Variants in CNP observed in about 807,000 individuals in gnomAD.
The protein encoded by CNP is 2',3'-cyclic-nucleotide 3'-phosphodiesterase.
Under a neutral mutation model 37.9 loss-of-function variants are expected in CNP, and 8 were observed. That is an observed-to-expected ratio of 0.21 (90% confidence interval 0.12 to 0.38). The LOEUF (loss-of-function observed/expected upper bound fraction) is 0.38. Ranked by LOEUF, CNP falls within the 10% of genes least tolerant of loss-of-function variation. The pLI is 1.00. For missense variants in CNP, 457 were observed against 551.0 expected, an observed-to-expected ratio of 0.83 and a Z score of 1.71; for synonymous variants, 237 against 238.3, an observed-to-expected ratio of 0.99 and a Z score of 0.05.
At chr17:41,967,093 G>C (rs1182185650) in intron 1 of CNP, 1 of 480,446 alleles carries the variant, frequency 2.1e-6, no homozygotes, top group Non-Finnish European at 3.3e-6. Context: ...GGGAAACGGT[G>C]GTGTTTCTCA....
Position 41,968,048 on chromosome 17 carries a change from C to G in CNP, c.4-20C>G. 6.3e-7 allele frequency: 1 copy of G among 1,596,136 alleles called. No homozygotes were observed. The highest frequency in any genetic ancestry group is 8.6e-7 in the Non-Finnish European group (1 of 1,168,882). Reference sequence around the variant, plus strand: ...GCCCGCGAATGACCTGGGCTGACATCTCTTCCCCTCCTTACACAGAACAGA... The same window carrying G: ...GCCCGCGAATGACCTGGGCTGACATGTCTTCCCCTCCTTACACAGAACAGA... On this transcript the variant is annotated intron_variant, in intron 1 of 3. Transcript: ENST00000393892. The surrounding 1 kb of genome is among the most constrained non-coding windows in gnomAD (Gnocchi z 4.8).
chr17:41,976,558 C>T lies in CNP; in HGVS notation c.*2634C>T, dbSNP rs112594389. On this transcript the variant is annotated 3_prime_UTR_variant, in exon 4 of 4. Transcript: ENST00000393892. ...GCCTCCCTCCCCTGCCCTCGGTCTTCGGCATTGGTTCCCTTTGCTCCACCC... is the reference window on the plus strand; with the variant it reads ...GCCTCCCTCCCCTGCCCTCGGTCTTTGGCATTGGTTCCCTTTGCTCCACCC... 7.6e-5 allele frequency: 54 copies of T among 714,396 alleles called. No homozygotes were observed. The highest frequency in any genetic ancestry group is 6.7e-4 in the South Asian group (33 of 49,524). The allele number at this position is 714,396 out of a possible 1,614,324, so 44.3% of individuals were successfully genotyped here. A position where few individuals can be genotyped will look rare whatever the true frequency, so the allele number is the denominator to read the frequency against.
At chr17:41,970,702 C>G (rs2050973948) in intron 2 of CNP, 1 of 152,156 alleles carries the variant, frequency 6.6e-6, no homozygotes, top group African/African-American at 2.4e-5. Context: ...TAAAGGAAAA[C>G]TGGATTTTTC....
chr17:41,968,088 A>C lies in CNP; in HGVS notation c.24A>C (p.Lys8Asn), dbSNP rs2050930130. ...CACAGAACAGAGGCTTCTCCCGAAA[A>C]AGCCACACATTCCTGCCCAAGATCT... The part of the protein sequence containing the change: MNRGFSR[K>N]SHTFLPKIFF... Residue 8 changes from lysine to asparagine, a missense_variant, in exon 2 of 4, where the codon AAA (lysine) becomes AAC (asparagine). Coordinates refer to ENST00000393892, the MANE Select transcript of CNP (RefSeq NM_033133.5). This position sits in a 1 kb window ranked among gnomAD's most constrained non-coding sequence, Gnocchi z 4.8. 1 of 1,613,748 alleles carries C rather than the reference A, an allele frequency of 6.2e-7. No individual in the cohort carries two copies. The highest frequency in any genetic ancestry group is 1.7e-5 in the Admixed American group (1 of 60,012).
At position 41,977,282 on chromosome 17, in the gene CNP, G is replaced by A. The variant is rs1555645069; in HGVS notation, c.*3358G>A. 5.0e-6 allele frequency: 8 copies of A among 1,584,704 alleles called. No individual in the cohort carries two copies. Among genetic ancestry groups the A allele is most frequent in the Non-Finnish European group, 6.0e-6 (7 of 1,165,536 alleles). On this transcript the variant is annotated 3_prime_UTR_variant, in exon 4 of 4. Transcript: ENST00000393892. ...CTACCTTCAAAGCTGAAGCCGCCAG[G>A]ACCGCCAAAGAATGCCTTGAAGATA...
rs782427960 is a variant in CNP at position 41,968,681 on chromosome 17, G to T, written c.617G>T (p.Gly206Val). 1 of 1,613,898 alleles carries T rather than the reference G, an allele frequency of 6.2e-7. No individual in the cohort carries two copies. Among genetic ancestry groups the T allele is most frequent in the African/African-American group, 1.3e-5 (1 of 74,926 alleles). Residue 206 changes from glycine (G) to valine (V), a missense_variant, in exon 2 of 4, where the codon GGC (glycine) becomes GTC (valine). This residue lies in a region of CNP where 291 missense variants were observed against 291.7 expected (regional missense o/e 1.00). Transcript: ENST00000393892. This position sits in a 1 kb window ranked among gnomAD's most constrained non-coding sequence, Gnocchi z 4.8. The part of the protein sequence containing the change: ...KKSSETLRKA[G>V]QVFLEELGNH... ...AGCTCTGAGACCCTCCGCAAAGCCGGCCAGGTCTTCCTGGAAGAGCTGGGG... is the reference window on the plus strand; with the variant it reads ...AGCTCTGAGACCCTCCGCAAAGCCGTCCAGGTCTTCCTGGAAGAGCTGGGG...
intron 1 of CNP, chr17:41,967,541 G>C (rs1555643106): frequency 4.7e-6 from 2 of 426,044 alleles, no homozygotes; most frequent in Non-Finnish European, 3.2e-6. Flanking sequence ...TTTGTCCAGT[G>C]CTCTCCTGCC....
chr17:41,966,845 G>T lies in CNP; in HGVS notation c.-40G>T. The T allele has an allele frequency of 7.3e-7, 1 of 1,372,432 alleles. No individual in the cohort carries two copies. The highest frequency in any genetic ancestry group is 3.3e-5 in the Admixed American group (1 of 30,158). 85.0% of individuals were successfully genotyped at this position (1,372,432 alleles called of 1,614,324 possible). ...CGCAGGCGGGCGGCCCCGGAGCGCT[G>T]GTGCCGGCAGAGGCGGCGACGGTGG... On this transcript the variant is annotated 5_prime_UTR_variant, in exon 1 of 4. Transcript: ENST00000393892.
Position 41,974,179 on chromosome 17 carries a change from G to A in CNP, c.*255G>A, listed in dbSNP as rs2051038255. On this transcript the variant is annotated 3_prime_UTR_variant, in exon 4 of 4. Transcript: ENST00000393892. ...ACCTGGACCAAAGCTGACGAGGCTG[G>A]GCCAAGCCAGGGATGGGGCCACAGC... 2 of 305,180 alleles carry A rather than the reference G, an allele frequency of 6.6e-6. No homozygotes were observed. The highest frequency in any genetic ancestry group is 4.8e-5 in the Admixed American group (1 of 20,960). The allele number at this position is 305,180 out of a possible 1,614,324, so 18.9% of individuals were successfully genotyped here.
At chr17:41,970,582 A>G (rs1555643643) in intron 2 of CNP, 10 of 152,110 alleles carry the variant, frequency 6.6e-5, no homozygotes, top group Non-Finnish European at 2.9e-5. Flanking sequence ...AATTTTTAGT[A>G]GAGACAGGGT....
Position 41,973,805 on chromosome 17 carries a change from A to G in CNP, c.1147A>G (p.Thr383Ala), listed in dbSNP as rs1016790393. The change falls in exon 4 of 4, where the codon ACC (threonine) becomes GCC (alanine). Residue 383 changes from threonine (T) to alanine (A), a missense_variant. Physicochemically the swap from Thr to Ala is moderately conservative, Grantham distance 58. Coordinates refer to ENST00000393892, the MANE Select transcript of CNP (RefSeq NM_033133.5). Reference sequence around the variant, plus strand: ...CTTGGGCAATGGGCGCTGGATGCTGACCCTGGCCAAGAACATGGAGGTCAG... The same window carrying G: ...CTTGGGCAATGGGCGCTGGATGCTGGCCCTGGCCAAGAACATGGAGGTCAG... ...YSLGNGRWMLTLAKNMEVRAI... is the reference protein window; with the variant it reads ...YSLGNGRWMLALAKNMEVRAI... The G allele has an allele frequency of 1.2e-6, 2 of 1,612,206 alleles. No individual in the cohort carries two copies. The highest frequency in any genetic ancestry group is 1.7e-6 in the Non-Finnish European group (2 of 1,179,060).
At position 41,973,537 on chromosome 17, in the gene CNP, C is replaced by G; in HGVS notation, c.879C>G (p.Pro293=). The G allele has an allele frequency of 6.2e-7, 1 of 1,614,238 alleles. No homozygotes were observed. The highest frequency in any genetic ancestry group is 8.5e-7 in the Non-Finnish European group (1 of 1,180,058). Residue 293 remains proline, a synonymous_variant, in exon 4 of 4, where the codon CCC becomes CCG. Transcript: ENST00000393892. ...CCATCTCTGCCCTCTTTGTGACACCCAAGACGACTGGGGCCCGGGTGGAGT... is the reference window on the plus strand; with the variant it reads ...CCATCTCTGCCCTCTTTGTGACACCGAAGACGACTGGGGCCCGGGTGGAGT... ...TLTISALFVT[P]KTTGARVELS... is the part of the protein sequence containing the mutation.
chr17:41,974,898 C>T lies in CNP; in HGVS notation c.*974C>T, dbSNP rs1555644498. The stretch of plus-strand genomic sequence containing the variant: ...ATGGTGCCTCTGGAGGCCTCTGGGC[C>T]TCCTCTAACAGGGGCTGGTGGGCAC... On this transcript the variant is annotated 3_prime_UTR_variant, in exon 4 of 4. Coordinates refer to ENST00000393892, the MANE Select transcript of CNP (RefSeq NM_033133.5). The T allele has an allele frequency of 6.6e-6, 1 of 152,320 alleles. No individual in the cohort carries two copies. The highest frequency in any genetic ancestry group is 1.5e-5 in the Non-Finnish European group (1 of 68,164). The allele number at this position is 152,320 out of a possible 1,614,324, so 9.4% of individuals were successfully genotyped here.
chr17:41,968,857 C>T lies in CNP; in HGVS notation c.676+117C>T. On this transcript the variant is annotated intron_variant, in intron 2 of 3. Transcript: ENST00000393892. The surrounding 1 kb of genome is among the most constrained non-coding windows in gnomAD (Gnocchi z 4.8). ...CGAAGCAGCAGGAGGCAGAGAGAGG[C>T]TCACCTCAGCGGGGGCAGGGGCAAG... The T allele has an allele frequency of 8.0e-7, 1 of 1,246,188 alleles. No homozygotes were observed. Among genetic ancestry groups the T allele is most frequent in the Non-Finnish European group, 1.1e-6 (1 of 920,344 alleles). The allele number at this position is 1,246,188 out of a possible 1,614,324, so 77.2% of individuals were successfully genotyped here. A position where few individuals can be genotyped will look rare whatever the true frequency, so the allele number is the denominator to read the frequency against.
Position 41,973,890 on chromosome 17 carries a change from A to AG in CNP, c.1238dup (p.Ala414ArgfsTer53). The AG allele has an allele frequency of 1.9e-6, 3 of 1,563,008 alleles. No homozygotes were observed. Among genetic ancestry groups the AG allele is most frequent in the Non-Finnish European group, 1.7e-6 (2 of 1,152,768 alleles). On this transcript the variant is annotated frameshift_variant, in exon 4 of 4. Coordinates refer to ENST00000393892, the MANE Select transcript of CNP (RefSeq NM_033133.5). LOFTEE classifies it high-confidence loss of function. Reference sequence around the variant, plus strand: ...CCTGTGCCCACGCAAGGTAGCCGGAAGGGGGGCGCCTTGCAGTCCTGCACC... The same window carrying AG: ...CCTGTGCCCACGCAAGGTAGCCGGAAGGGGGGGCGCCTTGCAGTCCTGCACC...
At chr17:41,967,061 G>A in intron 1 of CNP, 174 bp downstream of exon 1, 1 of 636,938 alleles carries the variant, frequency 1.6e-6, no homozygotes. Flanking sequence ...GGGTTTTGGG[G>A]TGCCGGAGAG....
rs201557422 is a variant in CNP, at chr17:41,973,516, C to G, written c.858C>G (p.Ile286Met). ...KSYSKAFTLTISALFVTPKTT... is the reference protein window; with the variant it reads ...KSYSKAFTLTMSALFVTPKTT... ...ACTCCAAGGCCTTCACGCTGACCAT[C>G]TCTGCCCTCTTTGTGACACCCAAGA... Residue 286 changes from isoleucine (I) to methionine (M), a missense_variant, in exon 4 of 4, where the codon ATC becomes ATG. Ile to Met is a conservative substitution (Grantham distance 10). Around this residue, in one of 2 missense-constraint regions of CNP, gnomAD observed 291 missense variants for 291.7 expected, o/e 1.00. Coordinates refer to ENST00000393892, the MANE Select transcript of CNP (RefSeq NM_033133.5). 2.5e-6 allele frequency: 4 copies of G among 1,614,266 alleles called. No individual in the cohort carries two copies. The East Asian group carries it at 8.9e-5, about 36-fold the overall frequency.
At position 41,968,084 on chromosome 17, in the gene CNP, G is replaced by A; in HGVS notation, c.20G>A (p.Arg7Gln). MNRGFS[R>Q]KSHTFLPKIF... The stretch of plus-strand genomic sequence containing the variant: ...CTTACACAGAACAGAGGCTTCTCCC[G>A]AAAAAGCCACACATTCCTGCCCAAG... The change falls in exon 2 of 4, where the codon CGA (arginine) becomes CAA (glutamine). Residue 7 changes from arginine (R) to glutamine (Q), a missense_variant. By Grantham distance (43) the Arg-to-Gln change is conservative (BLOSUM62 1). Coordinates refer to ENST00000393892, the MANE Select transcript of CNP (RefSeq NM_033133.5). This position sits in a 1 kb window ranked among gnomAD's most constrained non-coding sequence, Gnocchi z 4.8. 2 of 1,613,390 alleles carry A rather than the reference G, an allele frequency of 1.2e-6. No individual in the cohort carries two copies. Among genetic ancestry groups the A allele is most frequent in the South Asian group, 1.1e-5 (1 of 90,994 alleles).
At chr17:41,970,668 A>G (rs1467875446) in intron 2 of CNP, 2 of 152,190 alleles carry the variant, frequency 1.3e-5, no homozygotes, top group Non-Finnish European at 2.9e-5. Context: ...GGTGCGAGCC[A>G]CTATGCCCAG....
Sources: allele counts gnomAD v4.1 joint callset, GRCh38; gene constraint gnomAD v4.1.1; regional missense constraint gnomAD v4.1.1; non-coding constraint Gnocchi (gnomAD v3.1); transcripts MANE v1.5; gene names NCBI Gene and HGNC (gene_info 2026-07-23, HGNC 2026-07-21).